Variants in ERO1B observed in about 807,000 individuals in gnomAD.
The protein encoded by ERO1B is ERO1-like protein beta.
A neutral mutation model predicts 75.3 loss-of-function variants in ERO1B; 49 were observed. The observed-to-expected ratio is 0.65, with a 90% CI of 0.52 to 0.83. The LOEUF is 0.83. ERO1B is among the 40% of genes least tolerant of loss of function. ERO1B has a pLI of 0.00. For missense variants in ERO1B, 512 were observed against 560.1 expected (o/e 0.91, Z 0.87); for synonymous variants, 191 against 192.9 (o/e 0.99, Z 0.08).
intron 6 of ERO1B, among the ~76,000 whole-genome samples, chr1:236,239,576 C>T (rs1340486521): frequency 2.0e-5 from 3 of 151,986 alleles, no homozygotes; most frequent in Non-Finnish European, 4.4e-5. Context: ...CCTGGGCCAT[C>T]TGTGACACTG....
intron 1 of ERO1B, among the ~76,000 whole-genome samples, chr1:236,277,265 G>C (rs529742898): frequency 6.6e-6 from 1 of 152,034 alleles, no homozygotes; most frequent in African/African-American, 2.4e-5. Flanking sequence ...TTAGCTGGGC[G>C]TTGTGGCAGG....
rs771366190 is a variant in ERO1B, at chr1:236,230,240, G to A, written c.696C>T (p.Phe232=). The A allele has an allele frequency of 4.4e-6, 7 of 1,593,198 alleles. No homozygotes were observed. Among genetic ancestry groups the A allele is most frequent in the Non-Finnish European group, 6.0e-6 (7 of 1,163,422 alleles). Residue 232 remains phenylalanine (F), a synonymous_variant, in exon 10 of 16, where the codon TTC becomes TTT. Coordinates refer to ENST00000354619, the MANE Select transcript of ERO1B (RefSeq NM_019891.4). ...ACTGTTTACCTTCTAGCCATGTGTA[G>A]AATGATTCTCCTGAGAGAGAGAGAA... ...PSRGEDDGES[F]YTWLEGLCLE... is the part of the protein sequence containing the mutation.
chr1:236,237,627 C>T (rs755287021), intron 6 of ERO1B, among the ~76,000 whole-genome samples: 6 of 152,148 alleles, frequency 3.9e-5, no homozygotes, highest in Non-Finnish European at 8.8e-5. Flanking sequence ...TATATGCTTA[C>T]TACCGTTTGT....
In ERO1B at chr1:236,230,301, T is replaced by G. The variant is rs374405673; in HGVS notation, c.686-51A>C. ...AAACATTATATGGTCATTTATAAAG[T>G]AGAATAAATTAGGTTTATAAAATCT... On this transcript the variant is annotated intron_variant, in intron 9 of 15. Coordinates refer to ENST00000354619, the MANE Select transcript of ERO1B (RefSeq NM_019891.4). 2.1e-4 allele frequency: 300 copies of G among 1,429,710 alleles called. 1 individual carries two copies. The highest frequency in any genetic ancestry group is 1.7e-3 in the South Asian group (143 of 83,912). The allele number at this position is 1,429,710 out of a possible 1,614,324, so 88.6% of individuals were successfully genotyped here.
chr1:236,261,682 GAATTA>G (rs1665297185), intron 2 of ERO1B, among the ~76,000 whole-genome samples: 2 of 152,294 alleles, frequency 1.3e-5, no homozygotes, highest in Admixed American at 1.3e-4. Context: ...CTGATTGGAA[GAATTA>G]AATTGTTAAA....
rs560454227 is a variant in ERO1B at position 236,265,993 on chromosome 1, A to G, written c.222+3882T>C. Among the ~76,000 whole-genome samples, 25 of 152,250 alleles carry G rather than the reference A, an allele frequency of 1.6e-4. 1 individual carries two copies. The East Asian group carries it at 4.0e-3, about 25-fold the overall frequency. On this transcript the variant is annotated intron_variant, in intron 2 of 15. Transcript: ENST00000354619. ...GGCTACCTACCTCTCCCACCCTCCA[A>G]TTCCCCAATATTCATTCTCTCCTAC...
At chr1:236,267,920 G>A (rs749844684) in intron 2 of ERO1B, 1 of 151,260 alleles carries the variant, frequency 6.6e-6, no homozygotes, top group African/African-American at 2.4e-5. Context: ...TCCTCGCATC[G>A]ACCTGGTATT....
intron 6 of ERO1B, among the ~76,000 whole-genome samples, chr1:236,238,481 T>C (rs1664598431): frequency 6.7e-6 from 1 of 148,546 alleles, no homozygotes; most frequent in Non-Finnish European, 1.5e-5. Flanking sequence ...GAGGCTGCAG[T>C]GAACTATGAT....
intron 6 of ERO1B, among the ~76,000 whole-genome samples, chr1:236,239,560 C>T (rs1398518823): frequency 6.6e-6 from 1 of 152,034 alleles, no homozygotes; most frequent in Non-Finnish European, 1.5e-5. Flanking sequence ...AGTGCCCATC[C>T]TTATCCCTGG....
At chr1:236,266,569 A>G (rs891081715) in intron 2 of ERO1B, among the ~76,000 whole-genome samples, 15 of 151,806 alleles carry the variant, frequency 9.9e-5, no homozygotes, top group Non-Finnish European at 2.1e-4. Context: ...GTACCACTGC[A>G]CTCCAGCCTG....
chr1:236,226,809 C>A, intron 10 of ERO1B, 70 bp from the exon 11 acceptor site: 1 of 1,121,916 alleles, frequency 8.9e-7, no homozygotes, highest in South Asian at 1.4e-5. Flanking sequence ...CAAGGAGGTT[C>A]AGTATGTAGG....
intron 15 of ERO1B, chr1:236,220,195 TTC>T (rs1171570145): frequency 6.6e-6 from 1 of 152,026 alleles, no homozygotes; most frequent in Non-Finnish European, 1.5e-5. Flanking sequence ...GTTGACTTTT[TTC>T]TCTTTTTCCC....
intron 15 of ERO1B, among the ~76,000 whole-genome samples, chr1:236,218,945 C>T (rs10924780): frequency 0.056 from 8,556 of 152,164 alleles, 617 homozygotes; most frequent in East Asian, 0.39. Context: ...GTTGTTAGCT[C>T]CCTAAGGGTA....
In ERO1B at chr1:236,258,149, C is replaced by CAGAAAAAAAAAAA. The variant is rs71559929; in HGVS notation, c.223-4645_223-4644insTTTTTTTTTTTCT. 1.3e-3 allele frequency among the ~76,000 whole-genome samples: 130 copies of CAGAAAAAAAAAAA among 96,562 alleles called. 5 individuals carry two copies. Among genetic ancestry groups the CAGAAAAAAAAAAA allele is most frequent in the African/African-American group, 5.8e-3 (121 of 21,038 alleles). The allele number at this position is 96,562 out of a possible 152,430, so 63.3% of individuals were successfully genotyped here. On this transcript the variant is annotated intron_variant, in intron 2 of 15. Transcript: ENST00000354619. ...AGAAAGAAAAAAAAGAAAAACAAAGCAAAAAAAAAAAAAACCCAGCCAGAT... is the reference window on the plus strand; with the variant it reads ...AGAAAGAAAAAAAAGAAAAACAAAGCAGAAAAAAAAAAAAAAAAAAAAAAAAACCCAGCCAGAT...
At chr1:236,237,461 T>A (rs376655450) in intron 6 of ERO1B, among the ~76,000 whole-genome samples, 15 of 152,184 alleles carry the variant, frequency 9.9e-5, no homozygotes, top group South Asian at 8.3e-4. Flanking sequence ...CAAAAGATTT[T>A]AAAAATCTTA....
At position 236,249,887 on chromosome 1, in the gene ERO1B, T is replaced by C; in HGVS notation, c.429A>G (p.Leu143=). 6.3e-7 allele frequency: 1 copy of C among 1,579,008 alleles called. No individual in the cohort carries two copies. Among genetic ancestry groups the C allele is most frequent in the Non-Finnish European group, 8.6e-7 (1 of 1,164,792 alleles). The change falls in exon 5 of 16, where the codon TTA becomes TTG. Residue 143 remains leucine, a splice_region_variant and synonymous_variant. Coordinates refer to ENST00000354619, the MANE Select transcript of ERO1B (RefSeq NM_019891.4). ...AATATTACCAAAATAAAACTTGCCT[T>C]AATGTGCTGTTAATTGCTCCCAGTT... ...ANKLGAINST[L]SNQSKEAFID...
intron 5 of ERO1B, among the ~76,000 whole-genome samples, chr1:236,246,371 CTTG>C (rs985692929): frequency 6.6e-6 from 1 of 151,964 alleles, no homozygotes; most frequent in African/African-American, 2.4e-5. Flanking sequence ...CAGGATCTCA[CTTG>C]TTGGCCAGGC....
intron 5 of ERO1B, among the ~76,000 whole-genome samples, chr1:236,246,451 C>T (rs982125749): frequency 3.3e-5 from 5 of 152,114 alleles, no homozygotes; most frequent in African/African-American, 1.2e-4. Context: ...GGATTACAGG[C>T]ATGAGCCACC....
At chr1:236,273,829 A>G (rs910895237) in intron 1 of ERO1B, among the ~76,000 whole-genome samples, 6 of 117,740 alleles carry the variant, frequency 5.1e-5, no homozygotes, top group Admixed American at 3.5e-4. Context: ...AAAAAAAAAA[A>G]AAGAGTTTCT....
Sources: gnomAD v4.1 joint callset for allele counts (sites outside exome capture counted in the v4.1 genomes callset) on GRCh38, gnomAD v4.1.1 for gene constraint, MANE v1.5 for transcripts, NCBI Gene and HGNC (gene_info 2026-07-23, HGNC 2026-07-21) for gene names.